ME1: variants seen among roughly 807,000 people sequenced by gnomAD.
The protein encoded by ME1 is malic enzyme 1, also known as NADP-dependent malic enzyme.
ME1 carries 74 observed loss-of-function variants against 66.4 expected under a neutral mutation model. That is an observed-to-expected ratio of 1.11 (90% CI 0.92 to 1.35). ME1 has a LOEUF of 1.35. Ranked by LOEUF, ME1 falls within the 40% of genes most tolerant of loss-of-function variation. The probability of loss-of-function intolerance (pLI) is 0.00; values close to 1 mark genes in which losing one functional copy is unlikely to be tolerated. For synonymous variants in ME1, 251 were observed against 235.6 expected, an observed-to-expected ratio of 1.07 and a Z score of -0.60; for missense variants, 750 against 694.1, an observed-to-expected ratio of 1.08 and a Z score of -0.90.
At chr6:83,327,576 G>T (rs541998028) in intron 5 of ME1, among the ~76,000 whole-genome samples, 1 of 152,082 alleles carries the variant, frequency 6.6e-6, no homozygotes, top group African/African-American at 2.4e-5. Flanking sequence ...ACAAATTTTG[G>T]TCAGACCAGT....
In ME1 at chr6:83,228,826, C is replaced by T. The variant is rs1790246809; in HGVS notation, c.1132G>A (p.Gly378Arg). The T allele has an allele frequency of 1.3e-6, 2 of 1,597,822 alleles. No individual in the cohort carries two copies. The highest frequency in any genetic ancestry group is 1.7e-6 in the Non-Finnish European group (2 of 1,169,580). The change falls in exon 10 of 14, where the codon GGA (glycine) becomes AGA (arginine). Residue 378 changes from glycine (G) to arginine (R), a missense_variant and splice_region_variant. Coordinates refer to ENST00000369705, the MANE Select transcript of ME1 (RefSeq NM_002395.6). ...AGAAGGGAGAGGAGAAAATGCTTAC[C>T]TATGAGGGCAGTTGGTTTTATTTCT... ...VQEIKPTALIGVAAIGGAFSE... is the reference protein window; with the variant it reads ...VQEIKPTALIRVAAIGGAFSE...
chr6:83,292,933 C>T (rs900146398), intron 6 of ME1, among the ~76,000 whole-genome samples: 1 of 152,156 alleles, frequency 6.6e-6, no homozygotes, highest in Non-Finnish European at 1.5e-5. Flanking sequence ...GCTCCGTGGG[C>T]ATGGGACCCA....
chr6:83,294,601 A>G (rs1451938328), intron 6 of ME1, among the ~76,000 whole-genome samples: 1 of 152,156 alleles, frequency 6.6e-6, no homozygotes, highest in Non-Finnish European at 1.5e-5. Context: ...TGGAGAACCC[A>G]GGGGCAACCA....
At chr6:83,322,062 C>A (rs1768188608) in intron 5 of ME1, among the ~76,000 whole-genome samples, 1 of 152,174 alleles carries the variant, frequency 6.6e-6, no homozygotes, top group Non-Finnish European at 1.5e-5. Flanking sequence ...GAAGAGGGGA[C>A]TGACTCTTAG....
intron 11 of ME1, among the ~76,000 whole-genome samples, chr6:83,225,018 A>G (rs547459375): frequency 6.6e-6 from 1 of 151,870 alleles, no homozygotes; most frequent in South Asian, 2.1e-4. Context: ...CCTGGCCAAC[A>G]TGGTGAAAGC....
chr6:83,423,826 TA>T (rs1770317591), intron 1 of ME1, among the ~76,000 whole-genome samples: 1 of 150,612 alleles, frequency 6.6e-6, no homozygotes, highest in African/African-American at 2.4e-5. Flanking sequence ...AAAATAAAAA[TA>T]AATAAAAGTT....
chr6:83,396,096 C>T (rs114817904), intron 3 of ME1, among the ~76,000 whole-genome samples: 298 of 152,190 alleles, frequency 2.0e-3, no homozygotes, highest in African/African-American at 6.6e-3. Flanking sequence ...TGTGGTGGCT[C>T]ATGCCTGTAC....
In ME1 at chr6:83,315,300, A is replaced by T; in HGVS notation, c.704+10T>A. 6.6e-7 allele frequency: 1 copy of T among 1,523,632 alleles called. No homozygotes were observed. Among genetic ancestry groups the T allele is most frequent in the East Asian group, 2.3e-5 (1 of 44,346 alleles). The allele number at this position is 1,523,632 out of a possible 1,614,324, so 94.4% of individuals were successfully genotyped here. A position where few individuals can be genotyped will look rare whatever the true frequency, so the allele number is the denominator to read the frequency against. ...ACTGACTAAAATATAGGTTAAATAA[A>T]GATACATACTTGGAAGAAACTGCCT... On this transcript the variant is annotated intron_variant, in intron 6 of 13. Coordinates refer to ENST00000369705, the MANE Select transcript of ME1 (RefSeq NM_002395.6).
chr6:83,367,758 C>G (rs1439691114), intron 3 of ME1, among the ~76,000 whole-genome samples: 1 of 152,148 alleles, frequency 6.6e-6, no homozygotes, highest in Non-Finnish European at 1.5e-5. Flanking sequence ...GTTTGATCTT[C>G]TATCCAGACC....
intron 3 of ME1, among the ~76,000 whole-genome samples, chr6:83,396,756 G>A (rs1039983188): frequency 1.3e-5 from 2 of 152,096 alleles, no homozygotes; most frequent in Non-Finnish European, 2.9e-5. Context: ...CAACGGCATG[G>A]TACCAGTATA....
chr6:83,257,323 C>T (rs2080167998), intron 6 of ME1, among the ~76,000 whole-genome samples: 1 of 151,684 alleles, frequency 6.6e-6, no homozygotes, highest in Non-Finnish European at 1.5e-5. Flanking sequence ...TTTAAAAGGC[C>T]TATGTATAAT....
intron 6 of ME1, among the ~76,000 whole-genome samples, chr6:83,302,291 C>A (rs910439115): frequency 2.6e-5 from 4 of 151,698 alleles, no homozygotes; most frequent in African/African-American, 9.7e-5. Context: ...ACAGACACTG[C>A]AGCTTACTTA....
At chr6:83,246,047 C>T (rs1393721197) in intron 7 of ME1, among the ~76,000 whole-genome samples, 1 of 152,058 alleles carries the variant, frequency 6.6e-6, no homozygotes, top group Non-Finnish European at 1.5e-5. Context: ...CTGCTACGAT[C>T]AGTTATGTCT....
intron 3 of ME1, among the ~76,000 whole-genome samples, chr6:83,383,976 C>T (rs1769455674): frequency 6.6e-6 from 1 of 151,938 alleles, no homozygotes. Context: ...CAATTTGCTG[C>T]ACCCATGTTG....
rs1324038419 is a variant in ME1, at chr6:83,211,844, A to G, written c.*80T>C. On this transcript the variant is annotated 3_prime_UTR_variant, in exon 14 of 14. Transcript: ENST00000369705. The stretch of plus-strand genomic sequence containing the variant: ...TCTTAATCTAAGTGTCTTATGAATC[A>G]TTATAAAAGATTCCAACCTTTAAAA... 4.4e-6 allele frequency: 4 copies of G among 902,704 alleles called. No homozygotes were observed. Among genetic ancestry groups the G allele is most frequent in the Non-Finnish European group, 3.1e-6 (2 of 649,078 alleles). The allele number at this position is 902,704 out of a possible 1,614,324, so 55.9% of individuals were successfully genotyped here. A position where few individuals can be genotyped will look rare whatever the true frequency, so the allele number is the denominator to read the frequency against.
At chr6:83,426,490 G>A (rs755212785) in intron 1 of ME1, among the ~76,000 whole-genome samples, 23 of 152,178 alleles carry the variant, frequency 1.5e-4, no homozygotes, top group Non-Finnish European at 2.8e-4. Flanking sequence ...AGTTTCTCAC[G>A]TTGCAGAGGC....
chr6:83,262,013 CAA>C (rs374491049), intron 6 of ME1, among the ~76,000 whole-genome samples: 7 of 77,228 alleles, frequency 9.1e-5, no homozygotes, highest in Admixed American at 1.4e-4. Flanking sequence ...GAATCCATCT[CAA>C]AAAAAAAAAA....
chr6:83,240,011 G>A (rs1429989998), intron 7 of ME1, among the ~76,000 whole-genome samples: 2 of 151,976 alleles, frequency 1.3e-5, no homozygotes, highest in African/African-American at 4.8e-5. Context: ...CTGTAAAGTA[G>A]TTTTACTTTA....
At chr6:83,242,127 T>C (rs1015956832) in intron 7 of ME1, among the ~76,000 whole-genome samples, 1 of 152,188 alleles carries the variant, frequency 6.6e-6, no homozygotes, top group African/African-American at 2.4e-5. Context: ...CCTCCCAAAG[T>C]GCTGGGATTA....
Sources: gnomAD v4.1 joint callset for allele counts (sites outside exome capture counted in the v4.1 genomes callset) on GRCh38, gnomAD v4.1.1 for gene constraint, MANE v1.5 for transcripts, NCBI Gene and HGNC (gene_info 2026-07-23, HGNC 2026-07-21) for gene names.